The following UNC5B variants were observed in gnomAD, a reference collection of about 807,000 sequenced individuals.
UNC5B encodes netrin receptor UNC5B.
Under a neutral mutation model 103.7 loss-of-function variants are expected in UNC5B, and 56 were observed. The ratio of observed to expected loss-of-function variants is 0.54; its 90% confidence interval spans 0.44 to 0.67. The LOEUF is 0.67. Among genes scored for constraint, UNC5B ranks in the 30% least tolerant of loss-of-function variants. The pLI, the probability that UNC5B is intolerant of heterozygous loss-of-function variation, is 0.00. For missense variants in UNC5B, 1,194 were observed against 1,284.5 expected (o/e 0.93, Z 1.08); for synonymous variants, 577 against 542.0 (o/e 1.06, Z -0.90).
intron 1 of UNC5B, among the ~76,000 whole-genome samples, chr10:71,236,100 A>G (rs1205234741): frequency 2.6e-5 from 4 of 152,116 alleles, no homozygotes; most frequent in Non-Finnish European, 5.9e-5. Context: ...TGGAGATCTG[A>G]GTCCAAAGAC....
chr10:71,256,533 G>A (rs145044381), intron 1 of UNC5B, among the ~76,000 whole-genome samples: 63 of 152,396 alleles, frequency 4.1e-4, no homozygotes, highest in Non-Finnish European at 7.2e-4. Flanking sequence ...GAACAGAGGG[G>A]ACTTGGGCAG....
chr10:71,253,175 C>T (rs934171907), intron 1 of UNC5B, among the ~76,000 whole-genome samples: 1 of 129,840 alleles, frequency 7.7e-6, no homozygotes, highest in Non-Finnish European at 1.7e-5. Flanking sequence ...TTCCTTGCTG[C>T]AGACTCCAAC....
intron 1 of UNC5B, among the ~76,000 whole-genome samples, chr10:71,238,249 G>C (rs148983249): frequency 6.6e-6 from 1 of 152,248 alleles, no homozygotes; most frequent in Admixed American, 6.5e-5. Flanking sequence ...GGGGTAAACT[G>C]TTCTGGAGGG....
intron 1 of UNC5B, among the ~76,000 whole-genome samples, chr10:71,267,513 G>A (rs1174564167): frequency 1.3e-5 from 2 of 152,196 alleles, no homozygotes; most frequent in African/African-American, 4.8e-5. Context: ...GGGGTAGGCT[G>A]GAGGCAGACT....
intron 1 of UNC5B, among the ~76,000 whole-genome samples, chr10:71,275,596 T>A (rs1342264690): frequency 1.3e-5 from 2 of 152,182 alleles, no homozygotes; most frequent in Non-Finnish European, 2.9e-5. Context: ...TCACCTGAAT[T>A]TGCCCCCTAG....
At position 71,296,690 on chromosome 10, in the gene UNC5B, G is replaced by C. The variant is rs201631634; in HGVS notation, c.2438G>C (p.Arg813Pro). 6.2e-7 allele frequency: 1 copy of C among 1,614,048 alleles called. No individual in the cohort carries two copies. Among genetic ancestry groups the C allele is most frequent in the Non-Finnish European group, 8.5e-7 (1 of 1,180,034 alleles). Residue 813 changes from arginine to proline, a missense_variant, in exon 15 of 17, where the codon CGG becomes CCG. Coordinates refer to ENST00000335350, the MANE Select transcript of UNC5B (RefSeq NM_170744.5). ...GAGCTCACCTGCAAGATCTGCGTGC[G>C]GCAAGTGGAAGGGGAGGGCCAGATA... ...STELTCKICV[R>P]QVEGEGQIFQ...
At chr10:71,243,105 C>T (rs550837483) in intron 1 of UNC5B, among the ~76,000 whole-genome samples, 45 of 152,212 alleles carry the variant, frequency 3.0e-4, no homozygotes, top group African/African-American at 9.9e-4. Context: ...CATGGTGGCA[C>T]GCGCCTATAA....
chr10:71,279,858 C>G lies in UNC5B; in HGVS notation c.117C>G (p.Phe39Leu), dbSNP rs1204704992. 1.2e-5 allele frequency: 19 copies of G among 1,613,758 alleles called. No homozygotes were observed. Among genetic ancestry groups the G allele is most frequent in the Non-Finnish European group, 1.4e-5 (17 of 1,179,908 alleles). ...GCAGCGAGGTGCTCCCTGACTCCTT[C>G]CCGTCAGCGCCAGCAGAGCCGCTGC... Reference protein sequence around the residue: ...DSGSEVLPDSFPSAPAEPLPY... With the variant: ...DSGSEVLPDSLPSAPAEPLPY... The change falls in exon 2 of 17, where the codon TTC becomes TTG. Residue 39 changes from phenylalanine (F) to leucine (L), a missense_variant. By Grantham distance (22) the Phe-to-Leu change is conservative (BLOSUM62 0). Coordinates refer to ENST00000335350, the MANE Select transcript of UNC5B (RefSeq NM_170744.5).
chr10:71,295,178 G>A (rs140926589), intron 13 of UNC5B, among the ~76,000 whole-genome samples: 1 of 152,368 alleles, frequency 6.6e-6, no homozygotes, highest in African/African-American at 2.4e-5. Context: ...TGAGATGCCA[G>A]TGGCCCTGTG....
intron 2 of UNC5B, among the ~76,000 whole-genome samples, chr10:71,283,107 G>A (rs1341591965): frequency 6.7e-6 from 1 of 148,646 alleles, no homozygotes; most frequent in African/African-American, 2.6e-5. Flanking sequence ...GCAACAGAGC[G>A]AGACTCCGTC....
intron 1 of UNC5B, among the ~76,000 whole-genome samples, chr10:71,255,702 CT>C (rs947273761): frequency 9.2e-5 from 14 of 152,354 alleles, no homozygotes; most frequent in African/African-American, 3.4e-4. Context: ...CTCAACCAAA[CT>C]TCATTCACAG....
chr10:71,254,729 C>T (rs1844252791), intron 1 of UNC5B, among the ~76,000 whole-genome samples: 1 of 152,224 alleles, frequency 6.6e-6, no homozygotes, highest in South Asian at 2.1e-4. Flanking sequence ...ATGACCACCA[C>T]CCAGGCCCCC....
chr10:71,270,845 G>A (rs893454385), intron 1 of UNC5B, among the ~76,000 whole-genome samples: 1 of 152,218 alleles, frequency 6.6e-6, no homozygotes, highest in African/African-American at 2.4e-5. Context: ...CTATAAAATA[G>A]CAGGTCTGAG....
At chr10:71,245,462 G>C (rs1009024501) in intron 1 of UNC5B, among the ~76,000 whole-genome samples, 1 of 152,162 alleles carries the variant, frequency 6.6e-6, no homozygotes. Flanking sequence ...AGGGCCTGGT[G>C]GTACAGACTG....
At chr10:71,266,333 C>G (rs1361851467) in intron 1 of UNC5B, among the ~76,000 whole-genome samples, 1 of 152,102 alleles carries the variant, frequency 6.6e-6, no homozygotes, top group Admixed American at 6.5e-5. Context: ...CCCCTTCACC[C>G]TCCCCGCTTC....
chr10:71,280,255 T>G (rs1844889247), intron 2 of UNC5B, among the ~76,000 whole-genome samples: 1 of 152,156 alleles, frequency 6.6e-6, no homozygotes, highest in African/African-American at 2.4e-5. Flanking sequence ...CCTTTTCCAC[T>G]TTCCATCTTT....
At chr10:71,262,800 C>G (rs1844441975) in intron 1 of UNC5B, among the ~76,000 whole-genome samples, 1 of 152,188 alleles carries the variant, frequency 6.6e-6, no homozygotes, top group Non-Finnish European at 1.5e-5. Context: ...CCAGGACCCT[C>G]CCCCAGAACC....
At chr10:71,215,086 T>C (rs564617449) in intron 1 of UNC5B, among the ~76,000 whole-genome samples, 1 of 152,338 alleles carries the variant, frequency 6.6e-6, no homozygotes, top group East Asian at 1.9e-4. Context: ...GGAGAACATG[T>C]CCCTTCCTCC....
At chr10:71,292,354 C>A in intron 10 of UNC5B, 113 bp from the exon 11 acceptor site, 1 of 885,802 alleles carries the variant, frequency 1.1e-6, no homozygotes, top group Non-Finnish European at 1.8e-6. Flanking sequence ...TGGCTGGGGA[C>A]TACCTGGAGC....
Sources: allele counts gnomAD v4.1 joint callset (sites outside exome capture counted in the v4.1 genomes callset), GRCh38; gene constraint gnomAD v4.1.1; transcripts MANE v1.5; gene names NCBI Gene and HGNC (gene_info 2026-07-23, HGNC 2026-07-21).